Variants in HS6ST3 observed in about 807,000 individuals in gnomAD.
HS6ST3 encodes the protein heparan-sulfate 6-O-sulfotransferase 3.
HS6ST3 carries 12 observed loss-of-function variants against 36.7 expected under a neutral mutation model. That is an observed-to-expected ratio of 0.33 (90% CI 0.21 to 0.53). HS6ST3 has a LOEUF of 0.53. Ranked by LOEUF, HS6ST3 falls within the 20% of genes least tolerant of loss-of-function variation. The pLI is 0.95. For missense variants in HS6ST3, 584 were observed against 640.9 expected, an observed-to-expected ratio of 0.91 and a Z score of 0.96; for synonymous variants, 240 against 257.5, an observed-to-expected ratio of 0.93 and a Z score of 0.65.
chr13:96,691,190 A>T (rs1000142640), intron 1 of HS6ST3, among the ~76,000 whole-genome samples: 1 of 152,110 alleles, frequency 6.6e-6, no homozygotes, highest in Admixed American at 6.6e-5. Context: ...AAAATATTTA[A>T]TTTGCAGCTG....
At chr13:96,703,684 G>C (rs1210418462) in intron 1 of HS6ST3, among the ~76,000 whole-genome samples, 1 of 152,128 alleles carries the variant, frequency 6.6e-6, no homozygotes, top group Admixed American at 6.5e-5. Flanking sequence ...GATATTTTCT[G>C]TTTTAAAGGA....
chr13:96,716,045 A>G (rs1470809414), intron 1 of HS6ST3, among the ~76,000 whole-genome samples: 2 of 152,060 alleles, frequency 1.3e-5, no homozygotes, highest in East Asian at 1.9e-4. Context: ...AATAAAGACT[A>G]TTTGTAGTAT....
At chr13:96,186,857 G>A (rs1206685946) in intron 1 of HS6ST3, among the ~76,000 whole-genome samples, 1 of 152,200 alleles carries the variant, frequency 6.6e-6, no homozygotes. Context: ...GCCTGATGGA[G>A]CATTTATTTT....
intron 1 of HS6ST3, among the ~76,000 whole-genome samples, chr13:96,333,381 G>C (rs1009907734): frequency 1.6e-4 from 25 of 152,310 alleles, no homozygotes; most frequent in African/African-American, 5.3e-4. Context: ...TCATTAACCT[G>C]AAGTGATTAC....
At chr13:96,773,732 G>T (rs537834927) in intron 1 of HS6ST3, among the ~76,000 whole-genome samples, 1 of 152,154 alleles carries the variant, frequency 6.6e-6, no homozygotes, top group South Asian at 2.1e-4. Context: ...CTGGGGGAAG[G>T]GGCAGCTGTG....
chr13:96,703,315 T>C (rs1875337598), intron 1 of HS6ST3, among the ~76,000 whole-genome samples: 1 of 152,218 alleles, frequency 6.6e-6, no homozygotes, highest in Admixed American at 6.5e-5. Flanking sequence ...ATTTAACAAA[T>C]GGCACTGAGA....
intron 1 of HS6ST3, among the ~76,000 whole-genome samples, chr13:96,470,551 C>A (rs983848966): frequency 8.5e-5 from 13 of 152,074 alleles, no homozygotes; most frequent in African/African-American, 3.1e-4. Flanking sequence ...CTTAAACAAA[C>A]AAAAAAACTC....
At chr13:96,732,413 C>G (rs1876179111) in intron 1 of HS6ST3, among the ~76,000 whole-genome samples, 1 of 151,832 alleles carries the variant, frequency 6.6e-6, no homozygotes, top group African/African-American at 2.4e-5. Context: ...TTCCTTAACA[C>G]CATTTATTGA....
chr13:96,442,791 A>G (rs2055679315), intron 1 of HS6ST3, among the ~76,000 whole-genome samples: 1 of 151,862 alleles, frequency 6.6e-6, no homozygotes, highest in Admixed American at 6.5e-5. Context: ...AAAAAAAAAA[A>G]AAAGTCTGAG....
chr13:96,458,354 A>G (rs1278877782), intron 1 of HS6ST3, among the ~76,000 whole-genome samples: 4 of 152,192 alleles, frequency 2.6e-5, no homozygotes, highest in South Asian at 4.1e-4. Flanking sequence ...GATTGGTTGC[A>G]CTACATCCGA....
At chr13:96,619,028 A>T (rs1014352114) in intron 1 of HS6ST3, among the ~76,000 whole-genome samples, 15 of 151,848 alleles carry the variant, frequency 9.9e-5, no homozygotes, top group African/African-American at 3.6e-4. Flanking sequence ...TAAGGCAAAA[A>T]CCTTTTTAAA....
intron 1 of HS6ST3, among the ~76,000 whole-genome samples, chr13:96,596,080 C>T (rs1277041991): frequency 6.6e-6 from 1 of 152,120 alleles, no homozygotes; most frequent in African/African-American, 2.4e-5. Flanking sequence ...GGTAATTTTT[C>T]ATCCTTCACT....
intron 1 of HS6ST3, among the ~76,000 whole-genome samples, chr13:96,703,804 A>C: frequency 6.6e-6 from 1 of 152,168 alleles, no homozygotes; most frequent in Admixed American, 6.6e-5. Context: ...CCGTTTATCA[A>C]GGGAGGGACC....
At chr13:96,325,446 T>TA (rs1370850445) in intron 1 of HS6ST3, among the ~76,000 whole-genome samples, 2 of 151,752 alleles carry the variant, frequency 1.3e-5, no homozygotes, top group South Asian at 2.1e-4. Flanking sequence ...AATACGACAA[T>TA]AAAAAATAAT....
intron 1 of HS6ST3, among the ~76,000 whole-genome samples, chr13:96,784,406 A>T (rs142127740): frequency 6.6e-6 from 1 of 152,170 alleles, no homozygotes; most frequent in Non-Finnish European, 1.5e-5. Context: ...GAGGTAGAGA[A>T]CTGGATAAAG....
chr13:96,790,372 T>A (rs888868216), intron 1 of HS6ST3, among the ~76,000 whole-genome samples: 1 of 151,314 alleles, frequency 6.6e-6, no homozygotes, highest in Non-Finnish European at 1.5e-5. Flanking sequence ...ACTTATGAAG[T>A]CCCAAGAACT....
intron 1 of HS6ST3, among the ~76,000 whole-genome samples, chr13:96,136,684 TATATATATATA>T (rs1253242764): frequency 1.4e-4 from 1 of 7,000 alleles, no homozygotes; most frequent in Non-Finnish European, 2.5e-4. Flanking sequence ...TTATGAAACA[TATATATATATA>T]TATATATATA....
chr13:96,161,434 G>C (rs1304539429), intron 1 of HS6ST3, among the ~76,000 whole-genome samples: 1 of 152,174 alleles, frequency 6.6e-6, no homozygotes, highest in South Asian at 2.1e-4. Context: ...TGGATGGCTA[G>C]AGGGCAGAGT....
intron 1 of HS6ST3, among the ~76,000 whole-genome samples, chr13:96,303,296 G>C (rs2054892818): frequency 6.6e-6 from 1 of 152,214 alleles, no homozygotes; most frequent in African/African-American, 2.4e-5. Flanking sequence ...TTTTGCTGAA[G>C]AATCAGAGAA....
Sources: allele counts gnomAD v4.1 joint callset (sites outside exome capture counted in the v4.1 genomes callset), GRCh38; gene constraint gnomAD v4.1.1; transcripts MANE v1.5; gene names NCBI Gene and HGNC (gene_info 2026-07-23, HGNC 2026-07-21).